Variants in SDK1 observed in about 807,000 individuals in gnomAD.
SDK1 encodes sidekick cell adhesion molecule 1, also known as protein sidekick-1.
SDK1 carries 157 observed loss-of-function variants against 245.5 expected under a neutral mutation model. That is an observed-to-expected ratio of 0.64 (90% CI 0.56 to 0.73). The LOEUF (loss-of-function observed/expected upper bound fraction) is 0.73, where lower values mean the gene tolerates loss of function less well. Among genes scored for constraint, SDK1 ranks in the 30% least tolerant of loss-of-function variants. The probability of loss-of-function intolerance (pLI) is 0.00; values close to 1 mark genes in which losing one functional copy is unlikely to be tolerated. For missense variants in SDK1, 3,583 were observed against 3,002.3 expected, an observed-to-expected ratio of 1.19 and a Z score of -4.52; for synonymous variants, 1,647 against 1,278.5, an observed-to-expected ratio of 1.29 and a Z score of -6.15.
At chr7:3,950,511 T>G (rs1306139446) in intron 5 of SDK1, among the ~76,000 whole-genome samples, 4 of 152,218 alleles carry the variant, frequency 2.6e-5, no homozygotes, top group Non-Finnish European at 5.9e-5. Flanking sequence ...TATGTTATCA[T>G]TGTTCTGTTT....
chr7:4,113,199 C>A, intron 23 of SDK1, 90 bp from the exon 24 acceptor site: 1 of 1,384,234 alleles, frequency 7.2e-7, no homozygotes. Context: ...CTGAGCCCTC[C>A]CTTGAGAAAC....
At chr7:3,730,828 C>T (rs1042382001) in intron 4 of SDK1, among the ~76,000 whole-genome samples, 2 of 152,088 alleles carry the variant, frequency 1.3e-5, no homozygotes, top group Admixed American at 1.3e-4. Flanking sequence ...GCAGCTGTGC[C>T]TACCACACTC....
In SDK1 at chr7:4,132,371, C is replaced by A. The variant is rs777220552; in HGVS notation, c.4176C>A (p.Thr1392=). 6.2e-7 allele frequency: 1 copy of A among 1,613,226 alleles called. No individual in the cohort carries two copies. Among genetic ancestry groups the A allele is most frequent in the Non-Finnish European group, 8.5e-7 (1 of 1,179,524 alleles). ...VRLVFPEVRL[T]SVRIVWQPPE... ...TCGTGTTCCCCGAAGTGAGACTCACCTCCGTGCGGATAGTGTGGCAACCTC... is the reference window on the plus strand; with the variant it reads ...TCGTGTTCCCCGAAGTGAGACTCACATCCGTGCGGATAGTGTGGCAACCTC... Residue 1392 remains threonine, a synonymous_variant, in exon 28 of 45, where the codon ACC becomes ACA. Transcript: ENST00000404826.
intron 40 of SDK1, among the ~76,000 whole-genome samples, chr7:4,224,411 G>A (rs1038984903): frequency 2.0e-5 from 3 of 152,036 alleles, no homozygotes; most frequent in Non-Finnish European, 2.9e-5. Flanking sequence ...GGTGCCACAC[G>A]TTTTTAAACA....
chr7:3,990,410 C>T (rs960000478), intron 14 of SDK1, among the ~76,000 whole-genome samples: 1 of 152,048 alleles, frequency 6.6e-6, no homozygotes, highest in Non-Finnish European at 1.5e-5. Flanking sequence ...TGCAGACGGC[C>T]ATCTTAGCTT....
chr7:4,226,044 A>G (rs926790818), intron 40 of SDK1, among the ~76,000 whole-genome samples: 5 of 152,156 alleles, frequency 3.3e-5, no homozygotes, highest in Non-Finnish European at 7.3e-5. Flanking sequence ...TGGATTGTCA[A>G]TATTTAAGCA....
At chr7:3,609,679 C>CAGGAGCCATCATACCTGGCATAGAGCTGG in intron 1 of SDK1, among the ~76,000 whole-genome samples, 1 of 151,672 alleles carries the variant, frequency 6.6e-6, no homozygotes, top group South Asian at 2.1e-4. Flanking sequence ...GGATTATAGG[C>CAGGAGCCATCATACCTGGCATAGAGCTGG]GTAAGCTACG....
intron 1 of SDK1, among the ~76,000 whole-genome samples, chr7:3,355,624 G>A (rs1780771620): frequency 6.6e-6 from 1 of 152,086 alleles, no homozygotes; most frequent in East Asian, 1.9e-4. Context: ...CTTTCATGGA[G>A]GAAATAGAAG....
intron 17 of SDK1, among the ~76,000 whole-genome samples, chr7:4,038,644 T>A (rs1417530046): frequency 6.6e-6 from 1 of 152,236 alleles, no homozygotes; most frequent in African/African-American, 2.4e-5. Context: ...CAGTTTCTAA[T>A]GCACCTTGGC....
At chr7:3,401,581 A>G (rs1026889268) in intron 1 of SDK1, among the ~76,000 whole-genome samples, 1 of 152,214 alleles carries the variant, frequency 6.6e-6, no homozygotes, top group Non-Finnish European at 1.5e-5. Context: ...GGCTGTGGCC[A>G]CAATATACTG....
chr7:3,903,007 C>T lies in SDK1; in HGVS notation c.848-47916C>T, dbSNP rs370888299. ...ATTTTTCCAAAGAAGATAAAAAAAACGGGCAATAAACACCTGAGAAAATGC... is the reference window on the plus strand; with the variant it reads ...ATTTTTCCAAAGAAGATAAAAAAAATGGGCAATAAACACCTGAGAAAATGC... On this transcript the variant is annotated intron_variant, in intron 5 of 44. Coordinates refer to ENST00000404826, the MANE Select transcript of SDK1 (RefSeq NM_152744.4). Among the ~76,000 whole-genome samples, 40 of 151,916 alleles carry T rather than the reference C, an allele frequency of 2.6e-4. No individual in the cohort carries two copies. In the South Asian group the frequency reaches 5.0e-3, roughly 19 times the overall value.
chr7:3,954,206 A>G (rs1781054368), intron 7 of SDK1, among the ~76,000 whole-genome samples: 1 of 149,464 alleles, frequency 6.7e-6, no homozygotes, highest in Non-Finnish European at 1.5e-5. Flanking sequence ...CTGGCTGCCC[A>G]GTCCTGTGGA....
intron 5 of SDK1, among the ~76,000 whole-genome samples, chr7:3,850,609 A>C (rs576073889): frequency 1.3e-5 from 2 of 152,212 alleles, no homozygotes; most frequent in East Asian, 1.9e-4. Context: ...AACCAACCCA[A>C]ATGTCCATCA....
chr7:4,077,270 G>C (rs1261852598), intron 21 of SDK1, 81 bp downstream of exon 21: 2 of 1,378,500 alleles, frequency 1.5e-6, no homozygotes, highest in Admixed American at 2.0e-5. Context: ...TGGCACTTTG[G>C]TGTGGAAGCC....
intron 1 of SDK1, among the ~76,000 whole-genome samples, chr7:3,581,388 T>C (rs1015006243): frequency 6.6e-6 from 1 of 152,164 alleles, no homozygotes; most frequent in Non-Finnish European, 1.5e-5. Context: ...CCAACAAGCA[T>C]ATGATAAAAG....
At chr7:3,537,974 C>T (rs1338936159) in intron 1 of SDK1, among the ~76,000 whole-genome samples, 1 of 152,180 alleles carries the variant, frequency 6.6e-6, no homozygotes. Context: ...AGAGGGCAGT[C>T]ACCTAGTTTG....
chr7:3,446,187 G>C (rs749274629), intron 1 of SDK1, among the ~76,000 whole-genome samples: 1 of 152,010 alleles, frequency 6.6e-6, no homozygotes, highest in Non-Finnish European at 1.5e-5. Flanking sequence ...TCATAAGATT[G>C]GTTATTGTAA....
intron 1 of SDK1, among the ~76,000 whole-genome samples, chr7:3,450,922 C>A (rs962665727): frequency 1.3e-5 from 2 of 151,944 alleles, no homozygotes; most frequent in African/African-American, 2.4e-5. Flanking sequence ...AGGAGTTTTG[C>A]GGAAGCCAAA....
chr7:3,403,920 G>A (rs1259617621), intron 1 of SDK1, among the ~76,000 whole-genome samples: 1 of 131,090 alleles, frequency 7.6e-6, no homozygotes, highest in African/African-American at 2.8e-5. Flanking sequence ...CCATATACAG[G>A]CATACCTTGG....
Sources: allele counts gnomAD v4.1 joint callset (sites outside exome capture counted in the v4.1 genomes callset), GRCh38; gene constraint gnomAD v4.1.1; transcripts MANE v1.5; gene names NCBI Gene and HGNC (gene_info 2026-07-23, HGNC 2026-07-21).